Variants in ADAM23 observed in about 807,000 individuals in gnomAD.
ADAM23 encodes the protein disintegrin and metalloproteinase domain-containing protein 23.
ADAM23 carries 33 observed loss-of-function variants against 120.1 expected under a neutral mutation model. The observed-to-expected ratio is 0.27, with a 90% CI of 0.21 to 0.37. The LOEUF (loss-of-function observed/expected upper bound fraction) is 0.37, where lower values mean the gene tolerates loss of function less well. ADAM23 is among the 10% of genes least tolerant of loss of function. The probability of loss-of-function intolerance (pLI) is 1.00; values close to 1 mark genes in which losing one functional copy is unlikely to be tolerated. For synonymous variants in ADAM23, 367 were observed against 375.2 expected (o/e 0.98, Z 0.25); for missense variants, 862 against 1,058.2 (o/e 0.81, Z 2.57).
chr2:206,444,467 G>A (rs748063599), intron 1 of ADAM23, among the ~76,000 whole-genome samples: 11 of 152,160 alleles, frequency 7.2e-5, no homozygotes, highest in Admixed American at 3.3e-4. Flanking sequence ...GATAATAGTG[G>A]TAATGGGCTG....
intron 24 of ADAM23, among the ~76,000 whole-genome samples, chr2:206,608,224 AAC>A (rs1698765230): frequency 6.6e-6 from 1 of 152,200 alleles, no homozygotes; most frequent in Non-Finnish European, 1.5e-5. Flanking sequence ...AGCAGCCATA[AAC>A]AATATGTAAA....
intron 3 of ADAM23, among the ~76,000 whole-genome samples, chr2:206,490,368 T>C (rs1574494245): frequency 1.3e-5 from 2 of 152,232 alleles, no homozygotes; most frequent in African/African-American, 4.8e-5. Context: ...ATTGCTCACC[T>C]ATTGCAGTGA....
At chr2:206,445,178 T>A in intron 1 of ADAM23, 129 bp from the exon 2 acceptor site, 1 of 697,512 alleles carries the variant, frequency 1.4e-6, no homozygotes, top group South Asian at 1.9e-5. Flanking sequence ...TAACTGCTTA[T>A]AAATAGAAAA....
At chr2:206,490,637 T>G (rs1294371041) in intron 3 of ADAM23, among the ~76,000 whole-genome samples, 2 of 152,220 alleles carry the variant, frequency 1.3e-5, no homozygotes, top group African/African-American at 4.8e-5. Flanking sequence ...ATTGTATATG[T>G]CCTAGAGGCC....
At chr2:206,565,227 C>G (rs758563656) in intron 14 of ADAM23, among the ~76,000 whole-genome samples, 159 bp downstream of exon 14, 1 of 151,982 alleles carries the variant, frequency 6.6e-6, no homozygotes, top group Non-Finnish European at 1.5e-5. Flanking sequence ...ATCTAATTTA[C>G]TTTGTATTTT....
intron 9 of ADAM23, among the ~76,000 whole-genome samples, chr2:206,552,463 C>G (rs1162483014): frequency 1.3e-5 from 2 of 151,632 alleles, no homozygotes; most frequent in East Asian, 3.9e-4. Context: ...ATTTTTTAAC[C>G]CTTCTCAATG....
intron 3 of ADAM23, among the ~76,000 whole-genome samples, chr2:206,505,784 T>C (rs1472058898): frequency 1.3e-5 from 2 of 152,190 alleles, no homozygotes; most frequent in Admixed American, 1.3e-4. Context: ...TTGCAGATGA[T>C]GAAACTGAGG....
intron 6 of ADAM23, among the ~76,000 whole-genome samples, chr2:206,544,771 C>T (rs548872409): frequency 6.6e-6 from 1 of 152,170 alleles, no homozygotes; most frequent in East Asian, 1.9e-4. Flanking sequence ...CGCCACCGCA[C>T]CCAGCTAATT....
At chr2:206,536,049 A>G (rs368392811) in intron 4 of ADAM23, among the ~76,000 whole-genome samples, 101 of 152,358 alleles carry the variant, frequency 6.6e-4, no homozygotes, top group African/African-American at 2.2e-3. Context: ...TCTTCATCAA[A>G]CAAGAATCCT....
chr2:206,593,607 C>T (rs1291723454), intron 22 of ADAM23, among the ~76,000 whole-genome samples: 1 of 151,862 alleles, frequency 6.6e-6, no homozygotes, highest in Non-Finnish European at 1.5e-5. Flanking sequence ...CTAACAGGGT[C>T]TTAGTAAGAT....
chr2:206,581,270 G>A (rs1017121076), intron 18 of ADAM23, among the ~76,000 whole-genome samples: 2 of 151,948 alleles, frequency 1.3e-5, no homozygotes, highest in African/African-American at 4.8e-5. Context: ...CTGGGTTTAG[G>A]TTTGGTTTGT....
intron 24 of ADAM23, chr2:206,605,756 T>C: frequency 1.4e-6 from 1 of 702,516 alleles, no homozygotes; most frequent in Non-Finnish European, 2.6e-6. Flanking sequence ...TGTAATTTCC[T>C]TTGTTAAAAA....
intron 18 of ADAM23, among the ~76,000 whole-genome samples, chr2:206,583,344 C>T (rs1376364682): frequency 6.6e-6 from 1 of 152,004 alleles, no homozygotes; most frequent in Non-Finnish European, 1.5e-5. Context: ...GTCCCAGCTA[C>T]TCAGGAGGCT....
intron 18 of ADAM23, among the ~76,000 whole-genome samples, chr2:206,584,447 C>T (rs1250090119): frequency 6.6e-6 from 1 of 152,196 alleles, no homozygotes; most frequent in Non-Finnish European, 1.5e-5. Flanking sequence ...TTGTCTTCCA[C>T]TATAATCAGC....
At chr2:206,567,146 AT>A in intron 14 of ADAM23, 76 bp from the exon 15 acceptor site, 1 of 1,134,128 alleles carries the variant, frequency 8.8e-7, no homozygotes, top group Non-Finnish European at 1.3e-6. Flanking sequence ...TTTTGTTCTA[AT>A]TTAGGGGTTT....
chr2:206,607,984 A>C (rs1373100998), intron 24 of ADAM23: 3 of 452,664 alleles, frequency 6.6e-6, no homozygotes, highest in Non-Finnish European at 1.3e-5. Flanking sequence ...GACGAAGTGC[A>C]AATCATATCC....
intron 2 of ADAM23, among the ~76,000 whole-genome samples, chr2:206,474,800 C>T (rs2105872021): frequency 6.6e-6 from 1 of 152,270 alleles, no homozygotes; most frequent in Admixed American, 6.5e-5. Flanking sequence ...GTCTTGAACT[C>T]CTGGCTTCAA....
chr2:206,514,506 T>TA (rs1696690812), intron 3 of ADAM23, among the ~76,000 whole-genome samples: 1 of 152,184 alleles, frequency 6.6e-6, no homozygotes, highest in African/African-American at 2.4e-5. Flanking sequence ...GATGAAGAGT[T>TA]ACTTAAGTGG....
intron 2 of ADAM23, among the ~76,000 whole-genome samples, chr2:206,467,411 T>G (rs1574482576): frequency 6.6e-6 from 1 of 152,252 alleles, no homozygotes; most frequent in African/African-American, 2.4e-5. Flanking sequence ...AAGGGGCTTA[T>G]AGGCCCCATG....
Sources: allele counts gnomAD v4.1 joint callset (sites outside exome capture counted in the v4.1 genomes callset), GRCh38; gene constraint gnomAD v4.1.1; transcripts MANE v1.5; gene names NCBI Gene and HGNC (gene_info 2026-07-23, HGNC 2026-07-21).